EFR3B: variants seen among roughly 807,000 people sequenced by gnomAD.
EFR3B encodes EFR3 homolog B, also known as protein EFR3 homolog B.
In EFR3B, 64 loss-of-function variants were observed where a neutral mutation model predicts 104.7. The observed-to-expected ratio is 0.61, with a 90% CI of 0.50 to 0.75. The LOEUF is 0.75. EFR3B is among the 30% of genes least tolerant of loss of function. The pLI, the probability that EFR3B is intolerant of heterozygous loss-of-function variation, is 0.00. For synonymous variants in EFR3B, 385 were observed against 417.9 expected, an observed-to-expected ratio of 0.92 and a Z score of 0.96; for missense variants, 750 against 1,078.5, an observed-to-expected ratio of 0.70 and a Z score of 4.27.
At chr2:25,051,961 T>C (rs1029661731) in intron 1 of EFR3B, among the ~76,000 whole-genome samples, 2 of 150,548 alleles carry the variant, frequency 1.3e-5, no homozygotes, top group Non-Finnish European at 3.0e-5. Context: ...TTTGGGAGGC[T>C]GAGGTGGGTG....
Position 25,042,181 on chromosome 2 carries a change from C to T in EFR3B, c.-132C>T, listed in dbSNP as rs1183135041. On this transcript the variant is annotated 5_prime_UTR_variant, in exon 1 of 23. Transcript: ENST00000403714. This position sits in a 1 kb window ranked among gnomAD's most constrained non-coding sequence, Gnocchi z 5.4. Reference sequence around the variant, plus strand: ...CCGCGGCCGGCCCCCGCGTCTGCTCCCTCCCCGCCCGGGCCCCTGTCGGCC... The same window carrying T: ...CCGCGGCCGGCCCCCGCGTCTGCTCTCTCCCCGCCCGGGCCCCTGTCGGCC... 3.2e-6 allele frequency: 3 copies of T among 932,730 alleles called. No homozygotes were observed. Among genetic ancestry groups the T allele is most frequent in the Non-Finnish European group, 4.1e-6 (3 of 724,140 alleles). The allele number at this position is 932,730 out of a possible 1,614,324, so 57.8% of individuals were successfully genotyped here.
At chr2:25,115,267 G>A (rs1043457123) in intron 4 of EFR3B, among the ~76,000 whole-genome samples, 1 of 152,150 alleles carries the variant, frequency 6.6e-6, no homozygotes, top group Non-Finnish European at 1.5e-5. Context: ...GGCTGGAGTG[G>A]CTCAGAAATC....
At chr2:25,134,770 T>C (rs746984735) in intron 12 of EFR3B, among the ~76,000 whole-genome samples, 4 of 152,212 alleles carry the variant, frequency 2.6e-5, no homozygotes, top group Non-Finnish European at 5.9e-5. Flanking sequence ...GCTGAGTTTA[T>C]CCTCATTAAT....
intron 4 of EFR3B, among the ~76,000 whole-genome samples, chr2:25,117,189 C>T (rs910393551): frequency 9.2e-5 from 14 of 152,082 alleles, no homozygotes; most frequent in Admixed American, 3.9e-4. Flanking sequence ...CGGGACTGCC[C>T]GTCAGCCCCT....
intron 1 of EFR3B, chr2:25,080,174 T>G: frequency 6.6e-7 from 1 of 1,503,782 alleles, no homozygotes; most frequent in South Asian, 1.1e-5. Context: ...TTGATCAGAA[T>G]AGCCAGTACC....
rs2149216571 is a variant in EFR3B at position 25,155,838 on chromosome 2, C to T, written c.*1498C>T. On this transcript the variant is annotated 3_prime_UTR_variant, in exon 23 of 23. Transcript: ENST00000403714. ...AGGCAGGGTGAGTAGATTTCTTGAT[C>T]CAAAGGAATCCGTTTTTAATTTTTT... is the stretch of plus-strand genomic sequence containing the variant. 1 of 152,236 alleles carries T rather than the reference C, an allele frequency of 6.6e-6. No homozygotes were observed. Among genetic ancestry groups the T allele is most frequent in the African/African-American group, 2.4e-5 (1 of 41,516 alleles). The allele number at this position is 152,236 out of a possible 1,614,324, so 9.4% of individuals were successfully genotyped here.
Position 25,145,022 on chromosome 2 carries a change from G to A in EFR3B, c.2113G>A (p.Glu705Lys). Reference protein sequence around the residue: ...GETISLQVEVESRNSPEKEER... With the variant: ...GETISLQVEVKSRNSPEKEER... ...GACCATCTCCCTGCAGGTGGAGGTAGAATCGAGGAACAGTCCGGAGAAGGA... is the reference window on the plus strand; with the variant it reads ...GACCATCTCCCTGCAGGTGGAGGTAAAATCGAGGAACAGTCCGGAGAAGGA... Residue 705 changes from glutamate to lysine, a missense_variant, in exon 19 of 23, where the codon GAA (glutamate) becomes AAA (lysine). By Grantham distance (56) the Glu-to-Lys change is moderately conservative. Coordinates refer to ENST00000403714, the MANE Select transcript of EFR3B (RefSeq NM_014971.2). 1 of 1,551,790 alleles carries A rather than the reference G, an allele frequency of 6.4e-7. No individual in the cohort carries two copies. The highest frequency in any genetic ancestry group is 8.7e-7 in the Non-Finnish European group (1 of 1,147,010).
chr2:25,145,086 A>G, intron 19 of EFR3B, 35 bp downstream of exon 19: 1 of 1,543,726 alleles, frequency 6.5e-7, no homozygotes, highest in Non-Finnish European at 8.8e-7. Flanking sequence ...GGGCAGCCCC[A>G]CCTCCTGTAG....
chr2:25,061,190 C>G (rs1057267248), intron 1 of EFR3B, among the ~76,000 whole-genome samples: 2 of 150,664 alleles, frequency 1.3e-5, no homozygotes, highest in Non-Finnish European at 2.9e-5. Context: ...GTGGTGCAAT[C>G]TTGGCTCACT....
intron 18 of EFR3B, 146 bp from the exon 19 acceptor site, chr2:25,144,814 A>G: frequency 1.6e-6 from 1 of 638,380 alleles, no homozygotes; most frequent in South Asian, 2.2e-5. Context: ...AAGCTTCTAT[A>G]AACTCCAAGT....
At chr2:25,144,690 T>C (rs146338826) in intron 18 of EFR3B, among the ~76,000 whole-genome samples, 205 of 152,356 alleles carry the variant, frequency 1.3e-3, no homozygotes, top group African/African-American at 4.6e-3. Flanking sequence ...AGGTGAGATA[T>C]GTATTCTGGT....
intron 6 of EFR3B, 147 bp from the exon 7 acceptor site, chr2:25,129,828 C>T: frequency 9.7e-7 from 1 of 1,035,962 alleles, no homozygotes; most frequent in Non-Finnish European, 1.3e-6. Flanking sequence ...TAATTTCTGA[C>T]AGCTGTGACG....
chr2:25,049,554 C>T (rs933504284), intron 1 of EFR3B, among the ~76,000 whole-genome samples: 3 of 152,254 alleles, frequency 2.0e-5, no homozygotes, highest in Non-Finnish European at 2.9e-5. Flanking sequence ...CTGTTTTGCA[C>T]GGTGGAATGG....
Position 25,052,575 on chromosome 2 carries a change from T to C in EFR3B, c.7+10256T>C, listed in dbSNP as rs552245604. The stretch of plus-strand genomic sequence containing the variant: ...GGAGTGCAGTGGCGTGATCTCTGCT[T>C]ACCGCAACCTCTGCCTCCTGGGTTC... On this transcript the variant is annotated intron_variant, in intron 1 of 22. Coordinates refer to ENST00000403714, the MANE Select transcript of EFR3B (RefSeq NM_014971.2). Among the ~76,000 whole-genome samples the C allele has an allele frequency of 1.5e-3, 218 of 149,194 alleles. 1 individual carries two copies. Among genetic ancestry groups the C allele is most frequent in the African/African-American group, 5.3e-3 (211 of 40,190 alleles).
chr2:25,136,694 T>C lies in EFR3B; in HGVS notation c.1560+96T>C. The C allele has an allele frequency of 1.9e-6, 2 of 1,038,682 alleles. No homozygotes were observed. The highest frequency in any genetic ancestry group is 2.9e-6 in the Non-Finnish European group (2 of 695,318). 64.3% of individuals were successfully genotyped at this position (1,038,682 alleles called of 1,614,324 possible). On this transcript the variant is annotated intron_variant, in intron 14 of 22. Coordinates refer to ENST00000403714, the MANE Select transcript of EFR3B (RefSeq NM_014971.2). This position sits in a 1 kb window ranked among gnomAD's most constrained non-coding sequence, Gnocchi z 4.0. ...TGGGAGGCTGAGGCGGGCGGATAGA[T>C]CACTTGAGGTGGGGAGCTCGAGACC...
intron 21 of EFR3B, among the ~76,000 whole-genome samples, chr2:25,152,415 C>T (rs1052259090): frequency 7.2e-5 from 11 of 152,292 alleles, no homozygotes; most frequent in Admixed American, 2.0e-4. Context: ...ATTGATGAGC[C>T]GCTTTCATTC....
At chr2:25,148,443 T>TG (rs1409792220) in intron 19 of EFR3B, among the ~76,000 whole-genome samples, 1 of 151,570 alleles carries the variant, frequency 6.6e-6, no homozygotes, top group Non-Finnish European at 1.5e-5. Context: ...TTAGTAGAGA[T>TG]GGGGTTTCAC....
Position 25,154,556 on chromosome 2 carries a change from T to A in EFR3B, c.*216T>A. 3 of 552,148 alleles carry A rather than the reference T, an allele frequency of 5.4e-6. No homozygotes were observed. Among genetic ancestry groups the A allele is most frequent in the Non-Finnish European group, 9.6e-6 (3 of 311,802 alleles). 34.2% of individuals were successfully genotyped at this position (552,148 alleles called of 1,614,324 possible). On this transcript the variant is annotated 3_prime_UTR_variant, in exon 23 of 23. Transcript: ENST00000403714. The surrounding 1 kb of genome is among the most constrained non-coding windows in gnomAD (Gnocchi z 4.1). Reference sequence around the variant, plus strand: ...CTGAGGGAGGTCTCACCAATCAGCATCTCACCTGTGCCCTCTTTGTCTTCT... The same window carrying A: ...CTGAGGGAGGTCTCACCAATCAGCAACTCACCTGTGCCCTCTTTGTCTTCT...
chr2:25,154,391 C>T lies in EFR3B; in HGVS notation c.*51C>T. 6.8e-7 allele frequency: 1 copy of T among 1,475,216 alleles called. No individual in the cohort carries two copies. The highest frequency in any genetic ancestry group is 9.3e-7 in the Non-Finnish European group (1 of 1,078,696). 91.4% of individuals were successfully genotyped at this position (1,475,216 alleles called of 1,614,324 possible). ...GAGATGGGGTCTGAGGAGGGGCTCA[C>T]CTCACGCCCACCCCGACCACATGGA... On this transcript the variant is annotated 3_prime_UTR_variant, in exon 23 of 23. Coordinates refer to ENST00000403714, the MANE Select transcript of EFR3B (RefSeq NM_014971.2). The surrounding 1 kb of genome is among the most constrained non-coding windows in gnomAD (Gnocchi z 4.1).
Sources: allele counts gnomAD v4.1 joint callset (sites outside exome capture counted in the v4.1 genomes callset), GRCh38; gene constraint gnomAD v4.1.1; non-coding constraint Gnocchi (gnomAD v3.1); transcripts MANE v1.5; gene names NCBI Gene and HGNC (gene_info 2026-07-23, HGNC 2026-07-21).